The following DAB1 variants were observed in gnomAD, a reference collection of about 807,000 sequenced individuals.
The protein encoded by DAB1 is DAB adaptor protein 1.
DAB1 carries 15 observed loss-of-function variants against 64.6 expected under a neutral mutation model. That is an observed-to-expected ratio of 0.23 (90% CI 0.16 to 0.36). The LOEUF (loss-of-function observed/expected upper bound fraction) is 0.36, where lower values mean the gene tolerates loss of function less well. Among genes scored for constraint, DAB1 ranks in the 10% least tolerant of loss-of-function variants. DAB1 has a pLI of 1.00. For missense variants in DAB1, 596 were observed against 706.7 expected, an observed-to-expected ratio of 0.84 and a Z score of 1.78; for synonymous variants, 235 against 251.9, an observed-to-expected ratio of 0.93 and a Z score of 0.64.
intron 6 of DAB1, among the ~76,000 whole-genome samples, chr1:57,658,698 G>GA (rs1171681226): frequency 6.6e-6 from 1 of 152,118 alleles, no homozygotes; most frequent in Admixed American, 6.5e-5. Context: ...GAGTAGCTGG[G>GA]ATTACAAGCA....
At chr1:57,167,095 G>A (rs1661273354) in intron 2 of DAB1, among the ~76,000 whole-genome samples, 1 of 152,086 alleles carries the variant, frequency 6.6e-6, no homozygotes, top group Non-Finnish European at 1.5e-5. Flanking sequence ...TTGAAGTGAG[G>A]GAAATTGAGG....
At chr1:57,310,106 T>G (rs184976422) in intron 1 of DAB1, among the ~76,000 whole-genome samples, 2 of 152,294 alleles carry the variant, frequency 1.3e-5, no homozygotes, top group East Asian at 3.9e-4. Context: ...CTAGTGAAGG[T>G]TGGTGGACAA....
intron 5 of DAB1, among the ~76,000 whole-genome samples, chr1:57,947,368 C>A (rs531180417): frequency 6.6e-6 from 1 of 152,274 alleles, no homozygotes; most frequent in South Asian, 2.1e-4. Context: ...ACCCAGCAAC[C>A]TCTGCACTTC....
intron 7 of DAB1, among the ~76,000 whole-genome samples, chr1:57,621,273 T>TGC (rs1553201072): frequency 1.3e-5 from 2 of 148,834 alleles, no homozygotes; most frequent in Admixed American, 6.7e-5. Context: ...TGTGTGTGTG[T>TGC]GTGTGCGTGT....
At chr1:57,553,382 A>AAGAGAGAAAGAAAGAAAG (rs60491103) in intron 7 of DAB1, among the ~76,000 whole-genome samples, 1 of 95,782 alleles carries the variant, frequency 1.0e-5, no homozygotes. Flanking sequence ...GGAAGGAAGA[A>AAGAGAGAAAGAAAGAAAG]AGAGAAAGAA....
chr1:57,307,681 C>G (rs915052712), intron 1 of DAB1, among the ~76,000 whole-genome samples: 1 of 152,018 alleles, frequency 6.6e-6, no homozygotes, highest in South Asian at 2.1e-4. Context: ...GAATCCAGAC[C>G]ACATCCCCTT....
intron 9 of DAB1, among the ~76,000 whole-genome samples, chr1:57,055,062 C>T (rs1015677966): frequency 6.6e-6 from 1 of 152,180 alleles, no homozygotes; most frequent in Non-Finnish European, 1.5e-5. Context: ...CTGAAACCTC[C>T]GTGTCTCTCC....
chr1:57,122,079 G>A (rs1194375762), intron 4 of DAB1, among the ~76,000 whole-genome samples: 1 of 152,164 alleles, frequency 6.6e-6, no homozygotes, highest in South Asian at 2.1e-4. Flanking sequence ...AATATCATCT[G>A]CTTACTTAAT....
chr1:57,134,976 T>C (rs1345649909), intron 4 of DAB1, among the ~76,000 whole-genome samples: 2 of 152,202 alleles, frequency 1.3e-5, no homozygotes, highest in Admixed American at 6.5e-5. Context: ...ATTGTTAGTA[T>C]CACCTCATAG....
rs1017892326 is a variant in DAB1 at position 57,499,209 on chromosome 1, C to T, written n.625+150383G>A. Among the ~76,000 whole-genome samples the T allele has an allele frequency of 1.4e-4, 21 of 152,224 alleles. No homozygotes were observed. In the South Asian group the frequency reaches 2.5e-3, roughly 18 times the overall value. Reference sequence around the variant, plus strand: ...CAGGATGGTCTCGATCTCCTGACCTCGTGATCCGCCTGCCTCGGCCTCCCA... The same window carrying T: ...CAGGATGGTCTCGATCTCCTGACCTTGTGATCCGCCTGCCTCGGCCTCCCA... On this transcript the variant is annotated intron_variant and non_coding_transcript_variant, in intron 7 of 20. Transcript: ENST00000485760.
intron 4 of DAB1, among the ~76,000 whole-genome samples, chr1:58,244,837 G>C (rs1205333528): frequency 6.6e-6 from 1 of 152,300 alleles, no homozygotes; most frequent in East Asian, 1.9e-4. Flanking sequence ...AATACAGGTA[G>C]TGTGCTCAAC....
chr1:58,238,948 A>G (rs1660171158), intron 4 of DAB1, among the ~76,000 whole-genome samples: 1 of 152,180 alleles, frequency 6.6e-6, no homozygotes, highest in South Asian at 2.1e-4. Context: ...CCATATGCAT[A>G]GAGAGTAACT....
At chr1:57,995,867 A>C (rs114500309) in intron 5 of DAB1, among the ~76,000 whole-genome samples, 2,991 of 151,874 alleles carry the variant, frequency 0.02, 67 homozygotes, top group African/African-American at 0.049. Context: ...AAGCACATAC[A>C]TGGATCCAGG....
rs202145163 is a variant in DAB1 at position 58,536,703 on chromosome 1, T to C, written n.33-9368A>G. On this transcript the variant is annotated intron_variant and non_coding_transcript_variant, in intron 1 of 20. Coordinates refer to the DAB1 transcript ENST00000485760. ...TATATTTTCTTTAACTACTTCCTTC[T>C]TGTTAGGAGGAAGTGCCTGCCACCA... The C allele has an allele frequency of 3.6e-5, 31 of 872,646 alleles. No individual in the cohort carries two copies. The highest frequency in any genetic ancestry group is 5.6e-5 in the Non-Finnish European group (28 of 501,590). The allele number at this position is 872,646 out of a possible 1,614,324, so 54.1% of individuals were successfully genotyped here.
intron 2 of DAB1, among the ~76,000 whole-genome samples, chr1:57,279,437 T>C (rs1031145507): frequency 2.6e-5 from 4 of 152,370 alleles, no homozygotes; most frequent in South Asian, 2.1e-4. Flanking sequence ...GTTGAATCCA[T>C]GGATGCAGAA....
In DAB1 at chr1:57,665,853, G is replaced by C. The variant is rs866275984; in HGVS notation, n.552-16188C>G. On this transcript the variant is annotated intron_variant and non_coding_transcript_variant, in intron 6 of 20. Coordinates refer to the DAB1 transcript ENST00000485760. Reference sequence around the variant, plus strand: ...CTTCCCTTTTTTTTTAATTATCTGTGTGTGTGTGTGTGTGTGTGTGTGTGT... The same window carrying C: ...CTTCCCTTTTTTTTTAATTATCTGTCTGTGTGTGTGTGTGTGTGTGTGTGT... 1.0e-2 allele frequency among the ~76,000 whole-genome samples: 1,205 copies of C among 120,832 alleles called. 12 individuals carry two copies. The highest frequency in any genetic ancestry group is 0.036 in the African/African-American group (874 of 24,378). The allele number at this position is 120,832 out of a possible 152,430, so 79.3% of individuals were successfully genotyped here.
chr1:57,870,887 G>T (rs1022761371), intron 1 of DAB1, among the ~76,000 whole-genome samples: 1 of 152,166 alleles, frequency 6.6e-6, no homozygotes. Context: ...GGGTGATCCT[G>T]ATAAAGACAA....
intron 3 of DAB1, among the ~76,000 whole-genome samples, chr1:58,462,108 G>A (rs1645248370): frequency 7.2e-6 from 1 of 138,992 alleles, no homozygotes; most frequent in South Asian, 2.2e-4. Context: ...GATCTGAGAA[G>A]GTTTCTTTTT....
chr1:58,513,919 A>G (rs773298504), intron 2 of DAB1, among the ~76,000 whole-genome samples: 37 of 152,248 alleles, frequency 2.4e-4, no homozygotes, highest in Non-Finnish European at 5.1e-4. Context: ...TTTGAACACA[A>G]GTAGTCTGGT....
Sources: allele counts gnomAD v4.1 joint callset (sites outside exome capture counted in the v4.1 genomes callset), GRCh38; gene constraint gnomAD v4.1.1; transcripts MANE v1.5; gene names NCBI Gene and HGNC (gene_info 2026-07-23, HGNC 2026-07-21).